TBCK: variants seen among roughly 807,000 people sequenced by gnomAD.
TBCK encodes TBC1 domain containing kinase.
TBCK carries 99 observed loss-of-function variants against 113.4 expected under a neutral mutation model. The observed-to-expected ratio is 0.87, with a 90% CI of 0.74 to 1.03. The LOEUF (loss-of-function observed/expected upper bound fraction) is 1.03. Ranked by LOEUF, TBCK falls within the 50% of genes least tolerant of loss-of-function variation. The pLI is 0.00. For synonymous variants in TBCK, 369 were observed against 370.8 expected (o/e 1.00, Z 0.05); for missense variants, 1,045 against 1,061.3 (o/e 0.98, Z 0.21).
chr4:106,242,139 T>C lies in TBCK; in HGVS notation c.1170+331A>G, dbSNP rs183202006. ...TTACAACTGCACTATAATCAGGAAA[T>C]TAAAAATTAGTATTACAGCAAAATA... On this transcript the variant is annotated intron_variant, in intron 12 of 25. Transcript: ENST00000394708. 5.8e-4 allele frequency among the ~76,000 whole-genome samples: 88 copies of C among 152,106 alleles called. 3 individuals are homozygous for C. Among genetic ancestry groups the C allele is most frequent in the Admixed American group, 1.7e-3 (26 of 15,256 alleles).
intron 22 of TBCK, among the ~76,000 whole-genome samples, chr4:106,185,901 G>A (rs1222332001): frequency 6.6e-6 from 1 of 151,984 alleles, no homozygotes; most frequent in Non-Finnish European, 1.5e-5. Flanking sequence ...TCCTCAAGTA[G>A]GCCCTGGTGT....
intron 2 of TBCK, among the ~76,000 whole-genome samples, chr4:106,307,310 T>A (rs115751113): frequency 0.016 from 2,492 of 152,314 alleles, 31 homozygotes; most frequent in Middle Eastern, 0.088. Flanking sequence ...GACTAGTTCC[T>A]TTCACACAGT....
intron 3 of TBCK, among the ~76,000 whole-genome samples, chr4:106,291,715 A>G (rs184137374): frequency 2.0e-5 from 3 of 152,338 alleles, no homozygotes; most frequent in East Asian, 1.9e-4. Flanking sequence ...GCCCTTTACT[A>G]TCGGTGAAGA....
chr4:106,085,959 G>A (rs1230437447), intron 25 of TBCK, among the ~76,000 whole-genome samples: 1 of 152,142 alleles, frequency 6.6e-6, no homozygotes, highest in African/African-American at 2.4e-5. Flanking sequence ...CTGTTAAGAG[G>A]GAAGTTTTAG....
At chr4:106,074,680 G>A (rs1737954767) in intron 25 of TBCK, among the ~76,000 whole-genome samples, 1 of 152,072 alleles carries the variant, frequency 6.6e-6, no homozygotes, top group African/African-American at 2.4e-5. Flanking sequence ...AAACTGAGGG[G>A]GGCTCACTTA....
chr4:106,158,499 T>G (rs1420268334), intron 23 of TBCK, among the ~76,000 whole-genome samples: 1 of 152,174 alleles, frequency 6.6e-6, no homozygotes, highest in East Asian at 1.9e-4. Flanking sequence ...AGTTTTTGAT[T>G]GACTAAATTT....
chr4:106,199,236 CT>C (rs1251250667), intron 20 of TBCK, among the ~76,000 whole-genome samples: 1 of 152,120 alleles, frequency 6.6e-6, no homozygotes, highest in East Asian at 1.9e-4. Flanking sequence ...CAATTGCAAT[CT>C]TTCTTTACCA....
At chr4:106,178,029 G>A (rs1751893122) in intron 22 of TBCK, among the ~76,000 whole-genome samples, 1 of 151,606 alleles carries the variant, frequency 6.6e-6, no homozygotes, top group African/African-American at 2.4e-5. Flanking sequence ...TCATTGTGGA[G>A]ATCTCTCACT....
chr4:106,268,941 C>T (rs748982987), intron 3 of TBCK, among the ~76,000 whole-genome samples: 1 of 152,042 alleles, frequency 6.6e-6, no homozygotes, highest in Non-Finnish European at 1.5e-5. Context: ...ATCCATGATC[C>T]ATGATATTTC....
chr4:106,149,445 T>A (rs1373338399), intron 23 of TBCK, among the ~76,000 whole-genome samples: 1 of 152,228 alleles, frequency 6.6e-6, no homozygotes, highest in African/African-American at 2.4e-5. Flanking sequence ...TTGAACACTT[T>A]GAGTCCATTA....
At chr4:106,300,283 G>T (rs1766801316) in intron 2 of TBCK, among the ~76,000 whole-genome samples, 1 of 152,162 alleles carries the variant, frequency 6.6e-6, no homozygotes, top group South Asian at 2.1e-4. Context: ...TCAGCAGTGT[G>T]AAAACAGGCT....
intron 24 of TBCK, among the ~76,000 whole-genome samples, chr4:106,113,572 C>G (rs1457004107): frequency 6.6e-6 from 1 of 152,074 alleles, no homozygotes; most frequent in African/African-American, 2.4e-5. Flanking sequence ...CCAGCACGAT[C>G]CATCAAACCT....
At position 106,295,146 on chromosome 4, in the gene TBCK, C is replaced by T. The variant is rs1766153458; in HGVS notation, c.214G>A (p.Glu72Lys). The change falls in exon 3 of 26, where the codon GAA (glutamate) becomes AAA (lysine). Residue 72 changes from glutamate to lysine, a missense_variant. Coordinates refer to ENST00000394708, the MANE Select transcript of TBCK (RefSeq NM_001163435.3). Reference sequence around the variant, plus strand: ...TCTTCCAGACTACGTTCACAATGTTCAGCCACGACCACTAGTCGTTCTGAG... The same window carrying T: ...TCTTCCAGACTACGTTCACAATGTTTAGCCACGACCACTAGTCGTTCTGAG... The part of the protein sequence containing the change: ...GKHERLVVVA[E>K]HCERSLEDLL... 1 of 1,613,348 alleles carries T rather than the reference C, an allele frequency of 6.2e-7. No individual in the cohort carries two copies. Among genetic ancestry groups the T allele is most frequent in the East Asian group, 2.2e-5 (1 of 44,850 alleles).
chr4:106,198,283 A>G (rs1048504313), intron 20 of TBCK, among the ~76,000 whole-genome samples: 6 of 152,152 alleles, frequency 3.9e-5, no homozygotes, highest in African/African-American at 1.4e-4. Flanking sequence ...AGATGGTGTG[A>G]TGTGGAAATA....
intron 3 of TBCK, among the ~76,000 whole-genome samples, chr4:106,287,291 C>T (rs1765211999): frequency 6.6e-6 from 1 of 152,158 alleles, no homozygotes; most frequent in Admixed American, 6.5e-5. Flanking sequence ...ACCCCAAATA[C>T]TTTAAACAAA....
At chr4:106,086,150 A>AG (rs1739483589) in intron 25 of TBCK, among the ~76,000 whole-genome samples, 1 of 152,112 alleles carries the variant, frequency 6.6e-6, no homozygotes, top group African/African-American at 2.4e-5. Flanking sequence ...TCAATCCAGG[A>AG]GCTTTTTTTT....
intron 23 of TBCK, among the ~76,000 whole-genome samples, chr4:106,119,011 T>C (rs577466500): frequency 2.6e-5 from 4 of 152,354 alleles, no homozygotes; most frequent in Admixed American, 2.6e-4. Context: ...AAAATTATAC[T>C]ACTTTGCTTT....
intron 24 of TBCK, among the ~76,000 whole-genome samples, chr4:106,106,858 A>C (rs1182111315): frequency 1.3e-5 from 2 of 152,218 alleles, no homozygotes; most frequent in Non-Finnish European, 1.5e-5. Context: ...AGGATAAAAA[A>C]GTAAGACCCA....
intron 25 of TBCK, among the ~76,000 whole-genome samples, chr4:106,094,976 CTTTGT>C (rs1244381597): frequency 2.0e-5 from 3 of 152,150 alleles, no homozygotes; most frequent in South Asian, 2.1e-4. Context: ...ATATGCTACT[CTTTGT>C]TTTATTTTTC....
Sources: allele counts gnomAD v4.1 joint callset (sites outside exome capture counted in the v4.1 genomes callset), GRCh38; gene constraint gnomAD v4.1.1; transcripts MANE v1.5; gene names NCBI Gene and HGNC (gene_info 2026-07-23, HGNC 2026-07-21).